The following NR3C2 variants were observed in gnomAD, a reference collection of about 807,000 sequenced individuals.
The protein encoded by NR3C2 is nuclear receptor subfamily 3 group C member 2, also known as mineralocorticoid receptor.
In NR3C2, 15 loss-of-function variants were observed where a neutral mutation model predicts 86.4. That is an observed-to-expected ratio of 0.17 (90% CI 0.12 to 0.27). The LOEUF is 0.27. Ranked by LOEUF, NR3C2 falls within the 10% of genes least tolerant of loss-of-function variation. The pLI is 1.00. For synonymous variants in NR3C2, 458 were observed against 450.5 expected (o/e 1.02, Z -0.21); for missense variants, 960 against 1,195.6 (o/e 0.80, Z 2.91).
In NR3C2 at chr4:148,303,728, G is replaced by A. The variant is rs1161290348; in HGVS notation, c.1758-43611C>T. ...GATAATGGAAGTTAAAAGGCACAGC[G>A]CAAGTGATCATGACAAATTCCTGCC... On this transcript the variant is annotated intron_variant, in intron 2 of 8. Coordinates refer to ENST00000358102, the MANE Select transcript of NR3C2 (RefSeq NM_000901.5). 7.2e-5 allele frequency among the ~76,000 whole-genome samples: 11 copies of A among 152,144 alleles called. No individual in the cohort carries two copies. The East Asian group carries it at 7.7e-4, about 11-fold the overall frequency.
At chr4:148,088,293 G>T (rs1254093164) in intron 8 of NR3C2, among the ~76,000 whole-genome samples, 2 of 152,196 alleles carry the variant, frequency 1.3e-5, no homozygotes, top group African/African-American at 4.8e-5. Context: ...CAAGCATTGT[G>T]GAAGACAGTG....
At chr4:148,261,646 T>C (rs911373322) in intron 2 of NR3C2, among the ~76,000 whole-genome samples, 1 of 152,166 alleles carries the variant, frequency 6.6e-6, no homozygotes, top group Non-Finnish European at 1.5e-5. Flanking sequence ...GGGAGCTGGA[T>C]GGGCTCAGAA....
chr4:148,204,867 T>C (rs1736921910), intron 3 of NR3C2, among the ~76,000 whole-genome samples: 1 of 152,190 alleles, frequency 6.6e-6, no homozygotes, highest in Non-Finnish European at 1.5e-5. Flanking sequence ...TTGCCTGATC[T>C]AAATATACCT....
chr4:148,386,339 T>C (rs531337816), intron 2 of NR3C2, among the ~76,000 whole-genome samples: 1 of 152,204 alleles, frequency 6.6e-6, no homozygotes, highest in South Asian at 2.1e-4. Context: ...CTCAAAAGGG[T>C]AACATTCCTG....
intron 2 of NR3C2, among the ~76,000 whole-genome samples, chr4:148,295,711 A>G (rs1742015361): frequency 6.6e-6 from 1 of 151,530 alleles, no homozygotes; most frequent in Non-Finnish European, 1.5e-5. Flanking sequence ...ACTGCCTCCC[A>G]TTAGAACCTA....
At chr4:148,171,274 T>C (rs1389663220) in intron 4 of NR3C2, among the ~76,000 whole-genome samples, 2 of 152,220 alleles carry the variant, frequency 1.3e-5, no homozygotes, top group Non-Finnish European at 1.5e-5. Context: ...TCCATGCCAA[T>C]TTAAGTGCAC....
At chr4:148,444,438 G>A (rs977051909), upstream of NR3C2, 9 of 986,120 alleles carry the variant, frequency 9.1e-6, no homozygotes, top group Admixed American at 4.3e-4. Context: ...TGCCCTGGGC[G>A]CGCAACCTGC....
chr4:148,332,929 G>A (rs1744301246), intron 2 of NR3C2, among the ~76,000 whole-genome samples: 2 of 152,014 alleles, frequency 1.3e-5, no homozygotes, highest in Admixed American at 1.3e-4. Flanking sequence ...TTAACTTTGT[G>A]TATTTTTCAT....
At chr4:148,380,350 T>A (rs1279569701) in intron 2 of NR3C2, among the ~76,000 whole-genome samples, 4 of 152,248 alleles carry the variant, frequency 2.6e-5, no homozygotes, top group African/African-American at 2.4e-5. Flanking sequence ...ACATTTTGTG[T>A]ATCCGTTCAT....
chr4:148,197,594 G>A (rs1170304448), intron 3 of NR3C2, among the ~76,000 whole-genome samples: 1 of 152,048 alleles, frequency 6.6e-6, no homozygotes, highest in Non-Finnish European at 1.5e-5. Flanking sequence ...TTCTATGGGT[G>A]TTCAAAAACA....
chr4:148,282,432 G>T (rs1741295373), intron 2 of NR3C2, among the ~76,000 whole-genome samples: 1 of 152,160 alleles, frequency 6.6e-6, no homozygotes, highest in South Asian at 2.1e-4. Context: ...AAATTAAATG[G>T]AAATTTGTTC....
At chr4:148,280,866 T>C (rs1741199040) in intron 2 of NR3C2, among the ~76,000 whole-genome samples, 1 of 152,214 alleles carries the variant, frequency 6.6e-6, no homozygotes, top group Non-Finnish European at 1.5e-5. Context: ...GTAAACTCTA[T>C]ATAAAGCTAA....
intron 3 of NR3C2, among the ~76,000 whole-genome samples, chr4:148,230,639 A>T (rs957070401): frequency 8.5e-5 from 13 of 152,224 alleles, no homozygotes; most frequent in Non-Finnish European, 1.6e-4. Context: ...AATTATAGGC[A>T]AAGCACCCTA....
chr4:148,441,879 T>C (rs1750359538), intron 1 of NR3C2, among the ~76,000 whole-genome samples: 1 of 152,238 alleles, frequency 6.6e-6, no homozygotes, highest in Non-Finnish European at 1.5e-5. Context: ...GAAATTCATC[T>C]TTGGGTAAAG....
At chr4:148,269,922 G>A (rs1419779437) in intron 2 of NR3C2, among the ~76,000 whole-genome samples, 2 of 152,196 alleles carry the variant, frequency 1.3e-5, no homozygotes, top group African/African-American at 4.8e-5. Flanking sequence ...ACATGTGTAT[G>A]TGACATAATG....
chr4:148,387,272 G>A (rs1342980158), intron 2 of NR3C2, among the ~76,000 whole-genome samples: 1 of 152,164 alleles, frequency 6.6e-6, no homozygotes, highest in Admixed American at 6.6e-5. Flanking sequence ...CAACAAGCAT[G>A]AGGATGAAAG....
At chr4:148,298,014 T>C (rs1043523108) in intron 2 of NR3C2, among the ~76,000 whole-genome samples, 11 of 152,196 alleles carry the variant, frequency 7.2e-5, no homozygotes, top group African/African-American at 2.7e-4. Context: ...TTGTCACTAC[T>C]TTAGAAAAAT....
At chr4:148,182,834 T>C (rs952941801) in intron 4 of NR3C2, among the ~76,000 whole-genome samples, 1 of 152,220 alleles carries the variant, frequency 6.6e-6, no homozygotes, top group Non-Finnish European at 1.5e-5. Context: ...ACTATTATTA[T>C]TATATTTTAA....
intron 2 of NR3C2, among the ~76,000 whole-genome samples, chr4:148,337,750 G>C (rs1261774301): frequency 1.3e-5 from 2 of 152,126 alleles, no homozygotes; most frequent in Admixed American, 6.5e-5. Flanking sequence ...TCTAAAATAA[G>C]CTAACATTTC....
Sources: allele counts gnomAD v4.1 joint callset (sites outside exome capture counted in the v4.1 genomes callset), GRCh38; gene constraint gnomAD v4.1.1; transcripts MANE v1.5; gene names NCBI Gene and HGNC (gene_info 2026-07-23, HGNC 2026-07-21).